Variants in EEFSEC observed in about 807,000 individuals in gnomAD.
EEFSEC encodes eukaryotic elongation factor, selenocysteine-tRNA specific, also known as selenocysteine-specific elongation factor.
A neutral mutation model predicts 42.1 loss-of-function variants in EEFSEC; 43 were observed. That is an observed-to-expected ratio of 1.02 (90% CI 0.80 to 1.32). The LOEUF is 1.32. EEFSEC is among the 40% of genes most tolerant of loss of function. The pLI, the probability that EEFSEC is intolerant of heterozygous loss-of-function variation, is 0.00. For missense variants in EEFSEC, 745 were observed against 803.6 expected (o/e 0.93, Z 0.88); for synonymous variants, 354 against 339.1 (o/e 1.04, Z -0.48).
chr3:128,417,796 G>C, the EEFSEC span, among the ~76,000 whole-genome samples: 2 of 152,076 alleles, frequency 1.3e-5, no homozygotes, highest in Non-Finnish European at 2.9e-5. The surrounding 1 kb of genome is among the most constrained non-coding windows in gnomAD (Gnocchi z 4.3). Context: ...TGCAGACCAC[G>C]GTGACCTTCA....
At chr3:128,277,738 G>A (rs1444189461) in intron 4 of EEFSEC, among the ~76,000 whole-genome samples, 2 of 152,244 alleles carry the variant, frequency 1.3e-5, no homozygotes, top group African/African-American at 2.4e-5. Context: ...AGCTCTGCAC[G>A]TGAGCACATG....
chr3:128,168,693 C>T (rs1210654557), intron 1 of EEFSEC, among the ~76,000 whole-genome samples: 2 of 152,198 alleles, frequency 1.3e-5, no homozygotes, highest in Non-Finnish European at 1.5e-5. Context: ...CCTGGGGCTT[C>T]GAGGCTGTTG....
At chr3:128,375,504 C>T (rs2067698855) in intron 6 of EEFSEC, among the ~76,000 whole-genome samples, 2 of 152,240 alleles carry the variant, frequency 1.3e-5, no homozygotes, top group African/African-American at 4.8e-5. Flanking sequence ...CCAGCCTTCT[C>T]TGCCTCCCCT....
intron 6 of EEFSEC, among the ~76,000 whole-genome samples, chr3:128,371,454 A>C (rs2067652967): frequency 6.6e-6 from 1 of 152,092 alleles, no homozygotes; most frequent in Admixed American, 6.5e-5. Flanking sequence ...GCAATGAAAA[A>C]CTTCTCTAGA....
At chr3:128,372,060 C>G (rs960378982) in intron 6 of EEFSEC, among the ~76,000 whole-genome samples, 6 of 152,260 alleles carry the variant, frequency 3.9e-5, no homozygotes, top group African/African-American at 1.4e-4. Flanking sequence ...CTAAAACTTT[C>G]CAGATTTGCC....
intron 4 of EEFSEC, among the ~76,000 whole-genome samples, chr3:128,296,673 C>G (rs1182977385): frequency 6.6e-6 from 1 of 152,088 alleles, no homozygotes. Context: ...CCACGCTACA[C>G]ACATATGCCC....
chr3:128,162,502 A>G (rs1187484794), intron 1 of EEFSEC, among the ~76,000 whole-genome samples: 1 of 152,194 alleles, frequency 6.6e-6, no homozygotes, highest in East Asian at 1.9e-4. Context: ...AGGAGACTCA[A>G]GTTGAGCTTT....
At chr3:128,200,486 C>T (rs1325421187) in intron 1 of EEFSEC, among the ~76,000 whole-genome samples, 1 of 151,922 alleles carries the variant, frequency 6.6e-6, no homozygotes, top group Non-Finnish European at 1.5e-5. Context: ...TGGGGTTTCT[C>T]CATGTTGGTC....
At chr3:128,275,242 A>G (rs2066456057) in intron 4 of EEFSEC, among the ~76,000 whole-genome samples, 1 of 152,152 alleles carries the variant, frequency 6.6e-6, no homozygotes, top group Non-Finnish European at 1.5e-5. Context: ...GGTGCAGAAA[A>G]TGCTGTGTAA....
Position 128,233,657 on chromosome 3 carries a change from A to G in EEFSEC, c.317-13179A>G, listed in dbSNP as rs6809366. ...AACATCCTACATTAGATAGGTCCCTACCTCTGACCTTGAGCATCTCCTTAA... is the reference window on the plus strand; with the variant it reads ...AACATCCTACATTAGATAGGTCCCTGCCTCTGACCTTGAGCATCTCCTTAA... On this transcript the variant is annotated intron_variant, in intron 1 of 6. Coordinates refer to ENST00000254730, the MANE Select transcript of EEFSEC (RefSeq NM_021937.5). Among the ~76,000 whole-genome samples, 928 of 152,312 alleles carry G rather than the reference A, an allele frequency of 6.1e-3. 13 individuals carry two copies. The highest frequency in any genetic ancestry group is 0.021 in the African/African-American group (883 of 41,566).
intron 4 of EEFSEC, among the ~76,000 whole-genome samples, chr3:128,299,322 A>G (rs2066741624): frequency 6.6e-6 from 1 of 152,132 alleles, no homozygotes; most frequent in Non-Finnish European, 1.5e-5. Context: ...GATGATTCGT[A>G]AAGTTGAGCA....
intron 6 of EEFSEC, among the ~76,000 whole-genome samples, chr3:128,377,797 T>G (rs1352258719): frequency 6.6e-6 from 1 of 152,242 alleles, no homozygotes; most frequent in Non-Finnish European, 1.5e-5. Context: ...GCAAAGTGTT[T>G]CCCAAAAGTA....
chr3:128,354,015 T>A (rs1206454935), intron 5 of EEFSEC, among the ~76,000 whole-genome samples: 1 of 151,966 alleles, frequency 6.6e-6, no homozygotes, highest in Non-Finnish European at 1.5e-5. Context: ...CAGCCTCCCC[T>A]CCCCTGGGGC....
chr3:128,377,479 A>T (rs148769577), intron 6 of EEFSEC, among the ~76,000 whole-genome samples: 289 of 152,340 alleles, frequency 1.9e-3, no homozygotes, highest in Non-Finnish European at 3.4e-3. Flanking sequence ...ATGCTCCAAG[A>T]TATAAATGTC....
chr3:128,319,422 G>A (rs570245165), intron 4 of EEFSEC, among the ~76,000 whole-genome samples: 28 of 152,296 alleles, frequency 1.8e-4, no homozygotes, highest in Non-Finnish European at 2.4e-4. Flanking sequence ...CTCCATTACC[G>A]TTCTGAGATT....
chr3:128,323,931 CT>C (rs1366261977), intron 4 of EEFSEC, among the ~76,000 whole-genome samples: 2 of 152,198 alleles, frequency 1.3e-5, no homozygotes, highest in Non-Finnish European at 2.9e-5. Context: ...GCCTCCCCCC[CT>C]GTGGCAGGGG....
At chr3:128,163,320 A>G (rs1405754295) in intron 1 of EEFSEC, among the ~76,000 whole-genome samples, 1 of 151,810 alleles carries the variant, frequency 6.6e-6, no homozygotes, top group Admixed American at 6.6e-5. Flanking sequence ...CACAGCATGC[A>G]TCCCTCTTGG....
At chr3:128,293,704 A>T (rs2066672749) in intron 4 of EEFSEC, among the ~76,000 whole-genome samples, 1 of 148,142 alleles carries the variant, frequency 6.8e-6, no homozygotes, top group Non-Finnish European at 1.5e-5. Context: ...TTATAGGATC[A>T]CATTAATAAC....
intron 1 of EEFSEC, among the ~76,000 whole-genome samples, chr3:128,227,424 CT>C (rs546019773): frequency 9.7e-4 from 147 of 152,148 alleles, no homozygotes; most frequent in Non-Finnish European, 1.7e-3. Context: ...TGGGGTGAAG[CT>C]CCTGATGGGT....
Sources: gnomAD v4.1 joint callset for allele counts (sites outside exome capture counted in the v4.1 genomes callset) on GRCh38, gnomAD v4.1.1 for gene constraint, Gnocchi (gnomAD v3.1) non-coding constraint, MANE v1.5 for transcripts, NCBI Gene and HGNC (gene_info 2026-07-23, HGNC 2026-07-21) for gene names.